SEMA5A: variants seen among roughly 807,000 people sequenced by gnomAD.
SEMA5A encodes the protein semaphorin-5A.
SEMA5A carries 55 observed loss-of-function variants against 135.5 expected under a neutral mutation model. The observed-to-expected ratio is 0.41, with a 90% confidence interval of 0.33 to 0.51. The LOEUF (loss-of-function observed/expected upper bound fraction) is 0.51, where lower values mean the gene tolerates loss of function less well. SEMA5A is among the 20% of genes least tolerant of loss of function. The probability of loss-of-function intolerance (pLI) is 0.37; values close to 1 mark genes in which losing one functional copy is unlikely to be tolerated. For missense variants in SEMA5A, 1,290 were observed against 1,419.9 expected (o/e 0.91, Z 1.47); for synonymous variants, 580 against 546.5 (o/e 1.06, Z -0.85).
intron 16 of SEMA5A, among the ~76,000 whole-genome samples, chr5:9,068,847 G>C (rs1737619184): frequency 6.6e-6 from 1 of 152,186 alleles, no homozygotes; most frequent in Non-Finnish European, 1.5e-5. Flanking sequence ...GTGCAGCAGT[G>C]TTCTCAGCTA....
chr5:9,455,464 G>T (rs1018666075), intron 1 of SEMA5A, among the ~76,000 whole-genome samples: 8 of 151,890 alleles, frequency 5.3e-5, no homozygotes, highest in African/African-American at 1.9e-4. Flanking sequence ...CACCATGTTA[G>T]CAAGGACAGT....
At chr5:9,059,232 T>C (rs1243220274) in intron 18 of SEMA5A, among the ~76,000 whole-genome samples, 1 of 152,108 alleles carries the variant, frequency 6.6e-6, no homozygotes, top group African/African-American at 2.4e-5. Flanking sequence ...GTTGCTTTCC[T>C]CTTAGCTGAA....
At chr5:9,382,746 C>G (rs533527755) in intron 2 of SEMA5A, among the ~76,000 whole-genome samples, 41 of 152,204 alleles carry the variant, frequency 2.7e-4, no homozygotes, top group Non-Finnish European at 4.7e-4. Context: ...GCAAAGGAAC[C>G]AAGAAGCATG....
intron 1 of SEMA5A, among the ~76,000 whole-genome samples, chr5:9,463,450 T>C (rs937078602): frequency 2.4e-4 from 37 of 152,164 alleles, no homozygotes; most frequent in African/African-American, 8.9e-4. Flanking sequence ...AAGTTAGTTT[T>C]TTTTTTATTT....
intron 11 of SEMA5A, among the ~76,000 whole-genome samples, chr5:9,170,037 C>G (rs1311001208): frequency 6.6e-6 from 1 of 152,124 alleles, no homozygotes; most frequent in African/African-American, 2.4e-5. Context: ...TTTTCACTGT[C>G]AGTATTCCAT....
At chr5:9,257,078 C>CT (rs1426855846) in intron 5 of SEMA5A, among the ~76,000 whole-genome samples, 1 of 152,214 alleles carries the variant, frequency 6.6e-6, no homozygotes, top group Non-Finnish European at 1.5e-5. Flanking sequence ...AGTCTTCTGT[C>CT]TGCATCACCA....
At chr5:9,450,593 C>A (rs1416287393) in intron 1 of SEMA5A, among the ~76,000 whole-genome samples, 1 of 152,120 alleles carries the variant, frequency 6.6e-6, no homozygotes, top group East Asian at 1.9e-4. Context: ...CACCTACACC[C>A]CTCTCCACTC....
intron 1 of SEMA5A, among the ~76,000 whole-genome samples, chr5:9,477,028 A>G (rs1263921673): frequency 6.6e-6 from 1 of 152,120 alleles, no homozygotes; most frequent in East Asian, 1.9e-4. Flanking sequence ...GGAACCTGGT[A>G]GGAGATGATT....
At chr5:9,080,806 C>A (rs547535755) in intron 16 of SEMA5A, among the ~76,000 whole-genome samples, 1 of 152,120 alleles carries the variant, frequency 6.6e-6, no homozygotes, top group South Asian at 2.1e-4. Flanking sequence ...TGTAACGCAG[C>A]TCTGATCTGA....
intron 6 of SEMA5A, among the ~76,000 whole-genome samples, chr5:9,234,160 G>A (rs1747783658): frequency 6.6e-6 from 1 of 152,190 alleles, no homozygotes; most frequent in South Asian, 2.1e-4. Flanking sequence ...TTGACTGTGA[G>A]AATGTTCTCT....
intron 5 of SEMA5A, among the ~76,000 whole-genome samples, chr5:9,293,566 C>G (rs1751190089): frequency 6.6e-6 from 1 of 152,172 alleles, no homozygotes; most frequent in Admixed American, 6.5e-5. Flanking sequence ...AAATCTAATA[C>G]ATGTTATTAA....
At chr5:9,236,819 T>C (rs1257978191) in intron 6 of SEMA5A, among the ~76,000 whole-genome samples, 2 of 152,110 alleles carry the variant, frequency 1.3e-5, no homozygotes, top group African/African-American at 2.4e-5. Context: ...TTATTCAGGG[T>C]TGGGAAACCC....
chr5:9,508,867 T>C (rs421548), intron 1 of SEMA5A, among the ~76,000 whole-genome samples: 137,425 of 152,230 alleles, frequency 0.9, 62,204 homozygotes, highest in Middle Eastern at 0.95. Context: ...GTACCTATTA[T>C]AGAGTAAATG....
chr5:9,299,446 T>C (rs1297846002), intron 5 of SEMA5A, among the ~76,000 whole-genome samples: 2 of 152,134 alleles, frequency 1.3e-5, no homozygotes, highest in African/African-American at 4.8e-5. Flanking sequence ...AAAGGCAAGT[T>C]GGGGATGATG....
At chr5:9,473,658 G>A (rs1330281712) in intron 1 of SEMA5A, among the ~76,000 whole-genome samples, 2 of 152,112 alleles carry the variant, frequency 1.3e-5, no homozygotes, top group East Asian at 3.9e-4. Context: ...GAGTAAAGGA[G>A]AAGAGAAAGA....
intron 2 of SEMA5A, among the ~76,000 whole-genome samples, chr5:9,393,245 T>A (rs1255030409): frequency 6.6e-6 from 1 of 152,210 alleles, no homozygotes; most frequent in Non-Finnish European, 1.5e-5. Flanking sequence ...ATCCTAAATA[T>A]AAAGCCAGAA....
intron 2 of SEMA5A, among the ~76,000 whole-genome samples, chr5:9,387,699 T>C (rs1237688338): frequency 1.3e-5 from 2 of 152,242 alleles, no homozygotes; most frequent in Non-Finnish European, 2.9e-5. Flanking sequence ...GAAATGGAAT[T>C]AAATGAAGAA....
intron 2 of SEMA5A, among the ~76,000 whole-genome samples, chr5:9,434,342 T>C (rs1757958625): frequency 6.6e-6 from 1 of 152,192 alleles, no homozygotes; most frequent in African/African-American, 2.4e-5. Flanking sequence ...TCGTCTGTGA[T>C]TGTCTTCAAT....
rs182300330 is a variant in SEMA5A at position 9,347,871 on chromosome 5, G to T, written c.125-10059C>A. Among the ~76,000 whole-genome samples the T allele has an allele frequency of 7.2e-5, 11 of 152,296 alleles. No homozygotes were observed. The East Asian group carries it at 2.1e-3, about 29-fold the overall frequency. ...GGTATTTTGAGAGAAATCTTAGGAA[G>T]CAAAATTTCACTGGAACCAATTACC... On this transcript the variant is annotated intron_variant, in intron 3 of 22. Transcript: ENST00000382496.
Sources: gnomAD v4.1 joint callset for allele counts (sites outside exome capture counted in the v4.1 genomes callset) on GRCh38, gnomAD v4.1.1 for gene constraint, MANE v1.5 for transcripts, NCBI Gene and HGNC (gene_info 2026-07-23, HGNC 2026-07-21) for gene names.